Variants in GRIPAP1 observed in about 807,000 individuals in gnomAD.
GRIPAP1 encodes GRIP1 associated protein 1.
A neutral mutation model predicts 84.1 loss-of-function variants in GRIPAP1; 14 were observed. The observed-to-expected ratio is 0.17, with a 90% confidence interval of 0.11 to 0.26. The LOEUF (loss-of-function observed/expected upper bound fraction) is 0.26, where lower values mean the gene tolerates loss of function less well. Among genes scored for constraint, GRIPAP1 ranks in the 10% least tolerant of loss-of-function variants. GRIPAP1 has a pLI of 1.00. For missense variants in GRIPAP1, 518 were observed against 674.2 expected (o/e 0.77, Z 2.57); for synonymous variants, 261 against 256.8 (o/e 1.02, Z -0.15).
In GRIPAP1 at chrX:48,975,316, G is replaced by A. The variant is rs200050379; in HGVS notation, c.2279-7C>T. On this transcript the variant is annotated splice_polypyrimidine_tract_variant and splice_region_variant and intron_variant, in intron 24 of 25. Coordinates refer to ENST00000376423, the MANE Select transcript of GRIPAP1 (RefSeq NM_020137.5). ...CCTGCTGCCACAGACACATCTGCAAGGGCCCAGGCTGAAAACCACCCCCTC... is the reference window on the plus strand; with the variant it reads ...CCTGCTGCCACAGACACATCTGCAAAGGCCCAGGCTGAAAACCACCCCCTC... 6.8e-5 allele frequency: 82 copies of A among 1,200,879 alleles called. No homozygotes were observed. In the Admixed American group the frequency reaches 1.8e-3, roughly 26 times the overall value.
intron 13 of GRIPAP1, among the ~76,000 whole-genome samples, 192 bp from the exon 14 acceptor site, chrX:48,985,594 A>T (rs956682754): frequency 8.9e-6 from 1 of 112,288 alleles, no homozygotes; most frequent in Non-Finnish European, 1.9e-5. Flanking sequence ...GGAATACCAC[A>T]CAACAGTAAG....
At chrX:48,996,557 C>T (rs1237951564) in intron 5 of GRIPAP1, among the ~76,000 whole-genome samples, 9 of 112,394 alleles carry the variant, frequency 8.0e-5, no homozygotes, top group Non-Finnish European at 1.5e-4. Flanking sequence ...GCAGGAGAAT[C>T]GCTTGAACCC....
intron 3 of GRIPAP1, 142 bp downstream of exon 3, chrX:48,999,096 G>A: frequency 2.5e-6 from 1 of 402,024 alleles, no homozygotes; most frequent in South Asian, 5.4e-5. Context: ...GAATTCCATT[G>A]AGAATCCTTT....
intron 5 of GRIPAP1, among the ~76,000 whole-genome samples, chrX:48,995,528 G>A (rs143250283): frequency 4.3e-4 from 48 of 111,723 alleles, no homozygotes; most frequent in Non-Finnish European, 7.0e-4. Context: ...CCAGGGAGGC[G>A]GCTGTAGAAA....
Position 48,981,710 on chromosome X carries a change from C to T in GRIPAP1, c.1678-19G>A. On this transcript the variant is annotated intron_variant, in intron 18 of 25. Transcript: ENST00000376423. ...CCTTGCCCTGCAAAGCAGAAAGCAGCTTAGGCATTGGCTTGGGAAGCCTCT... is the reference window on the plus strand; with the variant it reads ...CCTTGCCCTGCAAAGCAGAAAGCAGTTTAGGCATTGGCTTGGGAAGCCTCT... 8.4e-7 allele frequency: 1 copy of T among 1,185,323 alleles called. No homozygotes were observed. The highest frequency in any genetic ancestry group is 1.1e-6 in the Non-Finnish European group (1 of 871,464).
chrX:48,987,300 C>G (rs1346252502), intron 13 of GRIPAP1, among the ~76,000 whole-genome samples: 10 of 106,055 alleles, frequency 9.4e-5, no homozygotes, highest in African/African-American at 3.5e-4. Context: ...AGGCACACAC[C>G]GCCACACCCA....
chrX:48,999,286 A>G lies in GRIPAP1; in HGVS notation c.123T>C (p.Leu41=), dbSNP rs782148456. 1 of 1,208,298 alleles carries G rather than the reference A, an allele frequency of 8.3e-7. No homozygotes were observed. The highest frequency in any genetic ancestry group is 1.8e-5 in the South Asian group (1 of 56,904). ...LRKNGVELTS[L]RQKVAYLDKE... Reference sequence around the variant, plus strand: ...TATCCAAGTAGGCGACCTTCTGTCGAAGACTGGTGAGTTCTGGTGTCGGGA... The same window carrying G: ...TATCCAAGTAGGCGACCTTCTGTCGGAGACTGGTGAGTTCTGGTGTCGGGA... Residue 41 remains leucine, a synonymous_variant, in exon 3 of 26, where the codon CTT becomes CTC. Transcript: ENST00000376423.
Position 48,997,988 on chromosome X carries a change from A to G in GRIPAP1, c.198+166T>C, listed in dbSNP as rs1602479708. 3 of 508,186 alleles carry G rather than the reference A, an allele frequency of 5.9e-6. No individual in the cohort carries two copies. In the East Asian group the frequency reaches 1.0e-4, roughly 18 times the overall value. 41.9% of individuals were successfully genotyped at this position (508,186 alleles called of 1,213,427 possible). A position where few individuals can be genotyped will look rare whatever the true frequency, so the allele number is the denominator to read the frequency against. On this transcript the variant is annotated intron_variant, in intron 4 of 25. Transcript: ENST00000376423. ...AGAAGGAAAGAGACACAGAGTTAGG[A>G]CAAATACAGGGAAACAAGGACAGAT...
At position 48,993,585 on chromosome X, in the gene GRIPAP1, A is replaced by G. The variant is rs1038966618; in HGVS notation, c.307-7T>C. The G allele has an allele frequency of 3.6e-6, 4 of 1,125,530 alleles. No individual in the cohort carries two copies. The highest frequency in any genetic ancestry group is 6.0e-5 in the Admixed American group (2 of 33,456). 92.8% of individuals were successfully genotyped at this position (1,125,530 alleles called of 1,213,427 possible). On this transcript the variant is annotated splice_region_variant and splice_polypyrimidine_tract_variant and intron_variant, in intron 5 of 25. Coordinates refer to ENST00000376423, the MANE Select transcript of GRIPAP1 (RefSeq NM_020137.5). ...GTTCCATCTGGCTGCAGAGCTGAACAGAGGAAGAGAAGGGGCAGAGAAGCA... is the reference window on the plus strand; with the variant it reads ...GTTCCATCTGGCTGCAGAGCTGAACGGAGGAAGAGAAGGGGCAGAGAAGCA...
At chrX:48,974,325 C>G in intron 25 of GRIPAP1, 40 bp from the exon 26 acceptor site, 3 of 912,710 alleles carry the variant, frequency 3.3e-6, no homozygotes, top group Non-Finnish European at 4.8e-6. Context: ...GAGAAGGGGA[C>G]AGGCTGCTCC....
At chrX:48,978,689 T>G (rs782488669) in intron 21 of GRIPAP1, among the ~76,000 whole-genome samples, 1 of 108,049 alleles carries the variant, frequency 9.3e-6, no homozygotes, top group Admixed American at 9.9e-5. Context: ...ATGTCAGGAG[T>G]TCGAGAACAG....
chrX:48,983,825 T>G lies in GRIPAP1; in HGVS notation c.1222A>C (p.Ile408Leu). The change falls in exon 15 of 26, where the codon ATA (isoleucine) becomes CTA (leucine). Residue 408 changes from isoleucine (I) to leucine (L), a missense_variant. By Grantham distance (5) the Ile-to-Leu change is conservative. Around this residue, in one of 5 missense-constraint regions of GRIPAP1, gnomAD observed 372 missense variants for 458.1 expected, o/e 0.81. Transcript: ENST00000376423. Reference protein sequence around the residue: ...NSRLLEQLQEIGQEKEQLTQE... With the variant: ...NSRLLEQLQELGQEKEQLTQE... ...GTCAACTGCTCCTTCTCCTGCCCTA[T>G]TTCTTGAAGTTGTTCCAGCAGTCGA... 1.7e-6 allele frequency: 2 copies of G among 1,195,020 alleles called. No homozygotes were observed. Among genetic ancestry groups the G allele is most frequent in the Non-Finnish European group, 2.3e-6 (2 of 880,639 alleles).
chrX:48,976,884 G>A (rs1482302598), intron 22 of GRIPAP1: 1 of 111,737 alleles, frequency 8.9e-6, no homozygotes, highest in Non-Finnish European at 1.9e-5. Flanking sequence ...TCTGGTTAAG[G>A]TCAAAGTATC....
At chrX:49,001,909 G>A (rs1353187712) in intron 1 of GRIPAP1, among the ~76,000 whole-genome samples, 3 of 110,586 alleles carry the variant, frequency 2.7e-5, no homozygotes, top group African/African-American at 9.9e-5. Context: ...TCCCCTGCAC[G>A]GGCCCAAAAG....
At chrX:49,000,252 C>T (rs59621327) in intron 1 of GRIPAP1, among the ~76,000 whole-genome samples, 118 of 104,771 alleles carry the variant, frequency 1.1e-3, no homozygotes, top group Non-Finnish European at 1.6e-3. Context: ...GTAGTCCCAG[C>T]TACTCGGGAG....
Position 48,978,400 on chromosome X carries a change from G to A in GRIPAP1, c.1966C>T (p.Pro656Ser). The change falls in exon 22 of 26, where the codon CCA becomes TCA. Residue 656 changes from proline (P) to serine (S), a missense_variant. Physicochemically the swap from Pro to Ser is moderately conservative, Grantham distance 74 (BLOSUM62 -1). Transcript: ENST00000376423. ...CTGTCCCCTGTCTGGGTCCGGCTTG[G>A]TGAGTTCATCTCTGAGAGAACCAGC... ...EELVLSEMNSPSRTQTGDSSS... is the reference protein window; with the variant it reads ...EELVLSEMNSSSRTQTGDSSS... The A allele has an allele frequency of 1.7e-6, 2 of 1,206,271 alleles. No individual in the cohort carries two copies. The highest frequency in any genetic ancestry group is 2.2e-6 in the Non-Finnish European group (2 of 893,054).
At chrX:48,979,730 G>A (rs1256659962) in intron 21 of GRIPAP1, among the ~76,000 whole-genome samples, 1 of 104,843 alleles carries the variant, frequency 9.5e-6, no homozygotes, top group Non-Finnish European at 2.0e-5. Context: ...TCCTGACTCA[G>A]CCTCCCGAAG....
chrX:48,992,982 G>A (rs2064528236), intron 6 of GRIPAP1, among the ~76,000 whole-genome samples: 1 of 110,653 alleles, frequency 9.0e-6, no homozygotes, highest in African/African-American at 3.3e-5. Context: ...CACCGTGCCC[G>A]GCCAATTTTC....
intron 24 of GRIPAP1, 54 bp from the exon 25 acceptor site, chrX:48,975,363 G>C: frequency 8.9e-7 from 1 of 1,120,201 alleles, no homozygotes; most frequent in Non-Finnish European, 1.2e-6. Flanking sequence ...AGGAGAGCCA[G>C]GCAGAGCCAG....
Sources: gnomAD v4.1 joint callset for allele counts (sites outside exome capture counted in the v4.1 genomes callset) on GRCh38, gnomAD v4.1.1 for gene constraint, gnomAD v4.1.1 regional missense constraint, MANE v1.5 for transcripts, NCBI Gene and HGNC (gene_info 2026-07-23, HGNC 2026-07-21) for gene names.